GTSF1: variants seen among roughly 807,000 people sequenced by gnomAD.
GTSF1 encodes gametocyte specific factor 1.
Under a neutral mutation model 28.9 loss-of-function variants are expected in GTSF1, and 11 were observed. That is an observed-to-expected ratio of 0.38 (90% CI 0.24 to 0.63). The LOEUF (loss-of-function observed/expected upper bound fraction) is 0.63. Ranked by LOEUF, GTSF1 falls within the 30% of genes least tolerant of loss-of-function variation. The probability of loss-of-function intolerance (pLI) is 0.56; values close to 1 mark genes in which losing one functional copy is unlikely to be tolerated. For missense variants in GTSF1, 146 were observed against 201.0 expected (o/e 0.73, Z 1.66); for synonymous variants, 69 against 65.6 (o/e 1.05, Z -0.25).
intron 2 of GTSF1, among the ~76,000 whole-genome samples, chr12:54,468,178 A>C (rs1343783758): frequency 6.6e-6 from 1 of 151,942 alleles, no homozygotes; most frequent in Non-Finnish European, 1.5e-5. Context: ...CCCAGGCTGG[A>C]CAGTGCAGTG....
At chr12:54,461,682 C>A (rs939726386) in intron 6 of GTSF1, among the ~76,000 whole-genome samples, 2 of 152,108 alleles carry the variant, frequency 1.3e-5, no homozygotes, top group African/African-American at 4.8e-5. Flanking sequence ...AGAAGAGATG[C>A]ATATTCTTTC....
At chr12:54,468,613 C>T (rs1956553176) in intron 2 of GTSF1, among the ~76,000 whole-genome samples, 1 of 152,170 alleles carries the variant, frequency 6.6e-6, no homozygotes, top group African/African-American at 2.4e-5. Context: ...TCAGCTGTTA[C>T]TCAGATTTGG....
chr12:54,473,085 T>G (rs934385556), intron 1 of GTSF1, among the ~76,000 whole-genome samples: 12 of 152,132 alleles, frequency 7.9e-5, no homozygotes, highest in African/African-American at 2.9e-4. Context: ...CTGTTTTAAG[T>G]ATCTTCCGCA....
chr12:54,459,030 T>C (rs1956377822), intron 8 of GTSF1, 59 bp downstream of exon 8: 2 of 1,216,236 alleles, frequency 1.6e-6, no homozygotes, highest in South Asian at 2.7e-5. Flanking sequence ...AATTGCTTTA[T>C]GTCCAGTTAA....
intron 2 of GTSF1, among the ~76,000 whole-genome samples, chr12:54,469,687 CAAAAA>C (rs375917825): frequency 1.7e-5 from 1 of 57,626 alleles, no homozygotes. Flanking sequence ...GACTCCTTCT[CAAAAA>C]AAAAAAAAAA....
At chr12:54,459,722 CTTTTTTT>C in intron 7 of GTSF1, 1 of 133,054 alleles carries the variant, frequency 7.5e-6, no homozygotes, top group Non-Finnish European at 1.5e-5. Flanking sequence ...GATATTATGC[CTTTTTTT>C]TTTTTTTTTT....
At chr12:54,463,702 TA>T (rs1956461590) in intron 3 of GTSF1, among the ~76,000 whole-genome samples, 1 of 152,184 alleles carries the variant, frequency 6.6e-6, no homozygotes, top group African/African-American at 2.4e-5. Flanking sequence ...AACACTAAAA[TA>T]CACTCTTAGT....
At chr12:54,470,255 T>A (rs1592324523) in intron 2 of GTSF1, among the ~76,000 whole-genome samples, 1 of 152,184 alleles carries the variant, frequency 6.6e-6, no homozygotes, top group East Asian at 1.9e-4. Context: ...CAGATCAGCA[T>A]CACCCTGGTA....
At chr12:54,467,172 G>C (rs1353170236) in intron 2 of GTSF1, among the ~76,000 whole-genome samples, 1 of 151,968 alleles carries the variant, frequency 6.6e-6, no homozygotes, top group Non-Finnish European at 1.5e-5. Context: ...ATTACTTTTT[G>C]TTTTGGTGAG....
chr12:54,467,992 C>T (rs1956544932), intron 2 of GTSF1, among the ~76,000 whole-genome samples: 2 of 151,882 alleles, frequency 1.3e-5, no homozygotes, highest in South Asian at 4.2e-4. Flanking sequence ...AACTCCCGAC[C>T]TCAGGTGATC....
chr12:54,460,615 C>G (rs974086640), intron 6 of GTSF1, 144 bp from the exon 7 acceptor site: 9 of 621,106 alleles, frequency 1.4e-5, no homozygotes, highest in Non-Finnish European at 2.6e-5. Context: ...TCCATCAAAA[C>G]GTTCCGGCAA....
Position 54,458,331 on chromosome 12 carries a change from C to G in GTSF1, c.*20+758G>C, listed in dbSNP as rs781222346. 3.3e-5 allele frequency among the ~76,000 whole-genome samples: 5 copies of G among 152,174 alleles called. No homozygotes were observed. In the East Asian group the frequency reaches 9.7e-4, roughly 29 times the overall value. On this transcript the variant is annotated intron_variant, in intron 8 of 8. Coordinates refer to ENST00000305879, the MANE Select transcript of GTSF1 (RefSeq NM_144594.3). ...GCTAAATCAAATACTCAGATAAGAT[C>G]GACAGTGTAAAACTCTTAGAAACCC...
rs1353412168 is a variant in GTSF1, at chr12:54,463,746, AC to A, written c.118-450del. Among the ~76,000 whole-genome samples the A allele has an allele frequency of 3.3e-5, 5 of 152,362 alleles. No homozygotes were observed. In the South Asian group the frequency reaches 1.0e-3, roughly 32 times the overall value. ...GCAGTAGTGTCCCTGCTATTGCAAT[AC>A]AATAGTGCTGGAAAATAGCTGTTGG... On this transcript the variant is annotated intron_variant, in intron 3 of 8. Coordinates refer to ENST00000305879, the MANE Select transcript of GTSF1 (RefSeq NM_144594.3).
chr12:54,462,235 G>T, intron 5 of GTSF1, 63 bp from the exon 6 acceptor site: 1 of 1,192,640 alleles, frequency 8.4e-7, no homozygotes, highest in Non-Finnish European at 1.2e-6. Flanking sequence ...AGTTCATGTT[G>T]GTTGAATTTA....
At position 54,467,270 on chromosome 12, in the gene GTSF1, T is replaced by C. The variant is rs184330711; in HGVS notation, c.17-2103A>G. Among the ~76,000 whole-genome samples the C allele has an allele frequency of 1.5e-3, 229 of 152,264 alleles. 3 individuals are homozygous for C. In the East Asian group the frequency reaches 0.025, roughly 17 times the overall value. ...CACTTAGCCTAAGGTCCTCAAGGTTTATCCGTGTTATAACATGTGACAGAA... is the reference window on the plus strand; with the variant it reads ...CACTTAGCCTAAGGTCCTCAAGGTTCATCCGTGTTATAACATGTGACAGAA... On this transcript the variant is annotated intron_variant, in intron 2 of 8. Coordinates refer to ENST00000305879, the MANE Select transcript of GTSF1 (RefSeq NM_144594.3).
intron 5 of GTSF1, among the ~76,000 whole-genome samples, 195 bp from the exon 6 acceptor site, chr12:54,462,367 A>C (rs961027195): frequency 6.6e-6 from 1 of 152,256 alleles, no homozygotes; most frequent in Non-Finnish European, 1.5e-5. Flanking sequence ...AACATAAATA[A>C]TAATAAACGT....
intron 8 of GTSF1, among the ~76,000 whole-genome samples, chr12:54,456,804 G>A (rs1406946771): frequency 6.6e-6 from 1 of 152,154 alleles, no homozygotes; most frequent in Admixed American, 6.5e-5. Context: ...AATACTTAAT[G>A]GCCGGGTGTG....
intron 6 of GTSF1, among the ~76,000 whole-genome samples, chr12:54,461,335 A>AGCGATCCTCCCACCTTGGCCTCC: frequency 6.6e-6 from 1 of 151,708 alleles, no homozygotes; most frequent in Non-Finnish European, 1.5e-5. Context: ...TCCTGGCCTC[A>AGCGATCCTCCCACCTTGGCCTCC]GCGATCCTCC....
rs763094023 is a variant in GTSF1 at position 54,463,261 on chromosome 12, G to A, written c.154C>T (p.Pro52Ser). The A allele has an allele frequency of 6.2e-7, 1 of 1,613,906 alleles. No homozygotes were observed. Among genetic ancestry groups the A allele is most frequent in the Non-Finnish European group, 8.5e-7 (1 of 1,179,832 alleles). Residue 52 changes from proline (P) to serine (S), a missense_variant, in exon 4 of 9, where the codon CCC becomes TCC. By Grantham distance (74) the Pro-to-Ser change is moderately conservative. Coordinates refer to ENST00000305879, the MANE Select transcript of GTSF1 (RefSeq NM_144594.3). Reference sequence around the variant, plus strand: ...GGAACCTGGTGGCGAGCATTGAAGGGACAAGTAGCCAATTTGCTTGCAACA... The same window carrying A: ...GGAACCTGGTGGCGAGCATTGAAGGAACAAGTAGCCAATTTGCTTGCAACA... Reference protein sequence around the residue: ...PDVASKLATCPFNARHQVPRA... With the variant: ...PDVASKLATCSFNARHQVPRA...
Sources: gnomAD v4.1 joint callset for allele counts (sites outside exome capture counted in the v4.1 genomes callset) on GRCh38, gnomAD v4.1.1 for gene constraint, MANE v1.5 for transcripts, NCBI Gene and HGNC (gene_info 2026-07-23, HGNC 2026-07-21) for gene names.